Variants in BBS7 observed in about 807,000 individuals in gnomAD.
BBS7 encodes BBSome complex member BBS7.
A neutral mutation model predicts 90.3 loss-of-function variants in BBS7; 50 were observed. The observed-to-expected ratio is 0.55, with a 90% confidence interval of 0.44 to 0.70. The LOEUF is 0.70. BBS7 is among the 30% of genes least tolerant of loss of function. The probability of loss-of-function intolerance (pLI) is 0.00; values close to 1 mark genes in which losing one functional copy is unlikely to be tolerated. For synonymous variants in BBS7, 235 were observed against 287.4 expected, an observed-to-expected ratio of 0.82 and a Z score of 1.85; for missense variants, 729 against 838.9, an observed-to-expected ratio of 0.87 and a Z score of 1.62.
At chr4:121,839,610 G>C (rs1372342543) in intron 13 of BBS7, 21 bp downstream of exon 13, 20 of 1,586,246 alleles carry the variant, frequency 1.3e-5, no homozygotes, top group Non-Finnish European at 1.7e-5. Flanking sequence ...TTCAAGTAAA[G>C]GTAATTTCTA....
chr4:121,827,789 C>T (rs1724978759), intron 18 of BBS7: 1 of 947,666 alleles, frequency 1.1e-6, no homozygotes, highest in Admixed American at 5.6e-5. Context: ...TTATAATTCA[C>T]AATAGCAACA....
chr4:121,850,819 C>T (rs1217823197), intron 8 of BBS7, among the ~76,000 whole-genome samples: 1 of 152,132 alleles, frequency 6.6e-6, no homozygotes, highest in African/African-American at 2.4e-5. Context: ...TCTTCACCTA[C>T]CCTATGGGGG....
intron 8 of BBS7, among the ~76,000 whole-genome samples, chr4:121,849,149 A>G (rs1726173975): frequency 6.6e-6 from 1 of 152,242 alleles, no homozygotes; most frequent in Non-Finnish European, 1.5e-5. Flanking sequence ...CGACCCTAGT[A>G]TATTTGTGGG....
rs750684046 is a variant in BBS7, at chr4:121,855,558, A to T, written c.532T>A (p.Ser178Thr). The T allele has an allele frequency of 2.5e-6, 4 of 1,613,178 alleles. No homozygotes were observed. In the Admixed American group the frequency reaches 5.0e-5, roughly 20 times the overall value. ...ACTTCAACTGCATACATCACATCAG[A>T]TCCCTGAAGGAGAAGTATTTAAAAA... is the stretch of plus-strand genomic sequence containing the variant. Reference protein sequence around the residue: ...QDRVLRVLQGSDVMYAVEVPG... With the variant: ...QDRVLRVLQGTDVMYAVEVPG... The change falls in exon 6 of 19, where the codon TCT becomes ACT. Residue 178 changes from serine to threonine, a missense_variant. Physicochemically the swap from Ser to Thr is moderately conservative, Grantham distance 58 (BLOSUM62 1). Coordinates refer to ENST00000264499, the MANE Select transcript of BBS7 (RefSeq NM_176824.3).
chr4:121,851,538 A>G (rs1375204319), intron 8 of BBS7, among the ~76,000 whole-genome samples: 2 of 152,160 alleles, frequency 1.3e-5, no homozygotes, highest in Non-Finnish European at 2.9e-5. Context: ...TGGGCAATAT[A>G]GTATGGATAA....
chr4:121,852,820 G>C lies in BBS7; in HGVS notation c.849+136C>G, dbSNP rs1466287583. 4.5e-6 allele frequency: 4 copies of C among 887,200 alleles called. No individual in the cohort carries two copies. In the African/African-American group the frequency reaches 6.8e-5, roughly 15 times the overall value. 55.0% of individuals were successfully genotyped at this position (887,200 alleles called of 1,614,324 possible). ...ACAAGAGAAGTCTAGAGAAGATTCT[G>C]ATAACATCAAAATAGCAATATTTTA... On this transcript the variant is annotated intron_variant, in intron 8 of 18. Coordinates refer to ENST00000264499, the MANE Select transcript of BBS7 (RefSeq NM_176824.3).
chr4:121,851,789 G>A (rs1726334081), intron 8 of BBS7, among the ~76,000 whole-genome samples: 1 of 152,226 alleles, frequency 6.6e-6, no homozygotes, highest in Admixed American at 6.5e-5. Context: ...AAGTGACGAT[G>A]TGAATCCAAG....
intron 8 of BBS7, among the ~76,000 whole-genome samples, chr4:121,849,876 G>A (rs951054977): frequency 1.3e-5 from 2 of 151,946 alleles, no homozygotes; most frequent in Non-Finnish European, 1.5e-5. Flanking sequence ...AAAATACCCC[G>A]TTAAGTTTAG....
intron 10 of BBS7, among the ~76,000 whole-genome samples, chr4:121,846,363 G>A (rs568196985): frequency 3.4e-4 from 52 of 152,226 alleles, no homozygotes; most frequent in African/African-American, 9.6e-4. Context: ...CAGTTTAGGA[G>A]GAAAAGTCTA....
At chr4:121,833,002 A>AGTTATT (rs1053216582) in intron 15 of BBS7, among the ~76,000 whole-genome samples, 28 of 152,190 alleles carry the variant, frequency 1.8e-4, no homozygotes, top group African/African-American at 5.3e-4. Flanking sequence ...TTTTCTCACT[A>AGTTATT]GTTATTGTTA....
rs910242228 is a variant in BBS7, at chr4:121,861,609, T to C, written c.236A>G (p.Gln79Arg). Residue 79 changes from glutamine to arginine, a missense_variant, in exon 4 of 19, where the codon CAG (glutamine) becomes CGG (arginine). Physicochemically the swap from Gln to Arg is conservative, Grantham distance 43. Coordinates refer to ENST00000264499, the MANE Select transcript of BBS7 (RefSeq NM_176824.3). The stretch of plus-strand genomic sequence containing the variant: ...TGCTGCAGCAATAAAAATTTTCTCC[T>C]GAGGTGTGTTGATAACCCCTCCCAG... The part of the protein sequence containing the change: ...LELGGVINTP[Q>R]EKIFIAAASE... The C allele has an allele frequency of 1.3e-5, 21 of 1,613,910 alleles. No homozygotes were observed. The highest frequency in any genetic ancestry group is 1.8e-5 in the Non-Finnish European group (21 of 1,179,828).
chr4:121,827,905 G>A, intron 18 of BBS7: 1 of 1,269,708 alleles, frequency 7.9e-7, no homozygotes. Context: ...ATTCATCACA[G>A]TATACTTATT....
rs566873896 is a variant in BBS7 at position 121,848,505 on chromosome 4, C to T, written c.934+339G>A. ...CAGTGCTTATGTTCAAGTAACCTCACTTTATTTAATAAGGACCCGAAAGCA... is the reference window on the plus strand; with the variant it reads ...CAGTGCTTATGTTCAAGTAACCTCATTTTATTTAATAAGGACCCGAAAGCA... On this transcript the variant is annotated intron_variant, in intron 9 of 18. Coordinates refer to ENST00000264499, the MANE Select transcript of BBS7 (RefSeq NM_176824.3). Among the ~76,000 whole-genome samples the T allele has an allele frequency of 5.9e-5, 9 of 152,312 alleles. No individual in the cohort carries two copies. The East Asian group carries it at 1.7e-3, about 29-fold the overall frequency.
chr4:121,835,735 C>T (rs1460351369), intron 13 of BBS7, among the ~76,000 whole-genome samples: 1 of 151,898 alleles, frequency 6.6e-6, no homozygotes, highest in Non-Finnish European at 1.5e-5. Flanking sequence ...CAGTAATAAG[C>T]TCATATTGGC....
At chr4:121,830,253 T>C (rs761735035) in intron 15 of BBS7, among the ~76,000 whole-genome samples, 6 of 152,002 alleles carry the variant, frequency 3.9e-5, no homozygotes, top group Non-Finnish European at 8.8e-5. Flanking sequence ...ATACAAAAAT[T>C]AGCCAGGCGT....
At chr4:121,846,798 A>C (rs1726031881) in intron 10 of BBS7, among the ~76,000 whole-genome samples, 1 of 152,090 alleles carries the variant, frequency 6.6e-6, no homozygotes, top group Admixed American at 6.6e-5. Flanking sequence ...ATCATCCTTC[A>C]CTCCACAAAA....
At chr4:121,843,655 G>A (rs1725855154) in intron 12 of BBS7, among the ~76,000 whole-genome samples, 1 of 152,002 alleles carries the variant, frequency 6.6e-6, no homozygotes, top group African/African-American at 2.4e-5. Context: ...TCCAAAACCT[G>A]AAAAAAATCC....
chr4:121,828,730 T>C lies in BBS7; in HGVS notation c.1677-2A>G, dbSNP rs1253789424. The C allele has an allele frequency of 6.7e-7, 1 of 1,501,696 alleles. No homozygotes were observed. Among genetic ancestry groups the C allele is most frequent in the Non-Finnish European group, 9.2e-7 (1 of 1,089,988 alleles). 93.0% of individuals were successfully genotyped at this position (1,501,696 alleles called of 1,614,324 possible). ...GATTTAAAAACTCCCTCTCCTTTTC[T>C]ATAAAATTAATATATTTTTTAAAAG... On this transcript the variant is annotated splice_acceptor_variant, in intron 15 of 18. Transcript: ENST00000264499. LOFTEE classifies it high-confidence loss of function.
chr4:121,862,796 T>C (rs903275180), intron 3 of BBS7, among the ~76,000 whole-genome samples: 1 of 152,180 alleles, frequency 6.6e-6, no homozygotes, highest in Non-Finnish European at 1.5e-5. Flanking sequence ...CTCAGTCCTA[T>C]AATAGCAAGG....
Sources: gnomAD v4.1 joint callset for allele counts (sites outside exome capture counted in the v4.1 genomes callset) on GRCh38, gnomAD v4.1.1 for gene constraint, MANE v1.5 for transcripts, NCBI Gene and HGNC (gene_info 2026-07-23, HGNC 2026-07-21) for gene names.